The following RBFOX1 variants were observed in gnomAD, a reference collection of about 807,000 sequenced individuals.
RBFOX1 encodes the protein RNA binding fox-1 homolog 1.
In RBFOX1, 8 loss-of-function variants were observed where a neutral mutation model predicts 57.7. That is an observed-to-expected ratio of 0.14 (90% CI 0.08 to 0.25). The LOEUF is 0.25. RBFOX1 is among the 10% of genes least tolerant of loss of function. RBFOX1 has a pLI of 1.00. For missense variants in RBFOX1, 611 were observed against 548.5 expected (o/e 1.11, Z -1.14); for synonymous variants, 326 against 222.4 (o/e 1.47, Z -4.15).
At chr16:5,879,312 A>G (rs955008899) in intron 4 of RBFOX1, among the ~76,000 whole-genome samples, 1 of 152,176 alleles carries the variant, frequency 6.6e-6, no homozygotes, top group African/African-American at 2.4e-5. Context: ...AACTCCTCAG[A>G]TCGTATTTGG....
intron 4 of RBFOX1, among the ~76,000 whole-genome samples, chr16:7,284,863 T>G (rs968756128): frequency 1.3e-5 from 2 of 151,934 alleles, no homozygotes. Context: ...ACTGCCTTCT[T>G]GTACTGGATG....
intron 3 of RBFOX1, among the ~76,000 whole-genome samples, chr16:5,712,918 C>T (rs1011468197): frequency 1.1e-4 from 16 of 152,172 alleles, no homozygotes; most frequent in Non-Finnish European, 2.2e-4. Flanking sequence ...TCATGTTTTT[C>T]CATGGAGATT....
chr16:7,712,768 C>T lies in RBFOX1; in HGVS notation c.*2023C>T, dbSNP rs1382062594. Reference sequence around the variant, plus strand: ...ATTATTAAAACACTATGACATCCTCCAGAGGGAAGAAAGAGTAGGAGCAGG... The same window carrying T: ...ATTATTAAAACACTATGACATCCTCTAGAGGGAAGAAAGAGTAGGAGCAGG... On this transcript the variant is annotated 3_prime_UTR_variant, in exon 16 of 16. Coordinates refer to ENST00000550418, the MANE Select transcript of RBFOX1 (RefSeq NM_018723.4). 2 of 152,164 alleles carry T rather than the reference C, an allele frequency of 1.3e-5. No homozygotes were observed. Among genetic ancestry groups the T allele is most frequent in the Admixed American group, 6.5e-5 (1 of 15,272 alleles). The allele number at this position is 152,164 out of a possible 1,614,324, so 9.4% of individuals were successfully genotyped here. A position where few individuals can be genotyped will look rare whatever the true frequency, so the allele number is the denominator to read the frequency against.
At chr16:7,189,525 C>T (rs1293019530) in intron 4 of RBFOX1, among the ~76,000 whole-genome samples, 3 of 149,540 alleles carry the variant, frequency 2.0e-5, no homozygotes, top group South Asian at 2.1e-4. Flanking sequence ...GAATACATTG[C>T]CCCCACTCCA....
intron 2 of RBFOX1, among the ~76,000 whole-genome samples, chr16:6,344,407 C>CTTTTTTTTTTTTTTTTTTTTTTTT (rs60637926): frequency 7.3e-5 from 8 of 109,846 alleles, no homozygotes; most frequent in African/African-American, 2.2e-4. Context: ...TCTTTTTTTT[C>CTTTTTTTTTTTTTTTTTTTTTTTT]TTTTTTTTTT....
chr16:6,551,108 G>C (rs747819782), intron 2 of RBFOX1, among the ~76,000 whole-genome samples: 14 of 152,224 alleles, frequency 9.2e-5, no homozygotes, highest in South Asian at 2.1e-4. Context: ...CTGCGTTTTG[G>C]GTTACAGAGC....
chr16:6,691,507 C>G (rs775071959), intron 3 of RBFOX1, among the ~76,000 whole-genome samples: 3 of 151,960 alleles, frequency 2.0e-5, no homozygotes, highest in Admixed American at 6.6e-5. Context: ...GAAGTAAAAT[C>G]ATTCTGAGTA....
intron 3 of RBFOX1, among the ~76,000 whole-genome samples, chr16:5,850,598 G>T (rs930731851): frequency 1.3e-5 from 2 of 152,162 alleles, no homozygotes; most frequent in Admixed American, 6.5e-5. Flanking sequence ...TTTACTCCCA[G>T]AACTATTTTC....
chr16:7,590,357 G>C (rs779094177), intron 7 of RBFOX1, among the ~76,000 whole-genome samples: 6 of 151,722 alleles, frequency 4.0e-5, no homozygotes, highest in Non-Finnish European at 7.4e-5. Flanking sequence ...TATAACTCAA[G>C]TATTTAATGT....
chr16:6,613,400 G>A (rs887585413), intron 2 of RBFOX1, among the ~76,000 whole-genome samples: 1 of 152,062 alleles, frequency 6.6e-6, no homozygotes, highest in Admixed American at 6.6e-5. Flanking sequence ...GACAAAGCGG[G>A]GGAATGATTT....
chr16:5,951,882 G>A (rs146215052), intron 4 of RBFOX1, among the ~76,000 whole-genome samples: 1 of 151,926 alleles, frequency 6.6e-6, no homozygotes, highest in African/African-American at 2.4e-5. Context: ...GTGTTTGTGT[G>A]TGTATATACA....
intron 1 of RBFOX1, among the ~76,000 whole-genome samples, chr16:6,243,744 C>T (rs543517495): frequency 6.6e-6 from 1 of 152,258 alleles, no homozygotes; most frequent in East Asian, 1.9e-4. Flanking sequence ...TCAGAAATTG[C>T]TGGGGGCCCT....
At chr16:5,625,810 A>G (rs1253626107) in intron 3 of RBFOX1, among the ~76,000 whole-genome samples, 1 of 152,174 alleles carries the variant, frequency 6.6e-6, no homozygotes, top group African/African-American at 2.4e-5. Context: ...TGTCTGCCTC[A>G]GCCTCCCAAA....
intron 3 of RBFOX1, among the ~76,000 whole-genome samples, chr16:6,721,159 T>G (rs184965006): frequency 3.0e-4 from 46 of 152,290 alleles, no homozygotes; most frequent in Non-Finnish European, 1.8e-4. Flanking sequence ...ACATATCATG[T>G]TGGCCGGGCA....
intron 2 of RBFOX1, among the ~76,000 whole-genome samples, chr16:6,378,267 T>G (rs903970919): frequency 6.6e-6 from 1 of 152,194 alleles, no homozygotes; most frequent in Non-Finnish European, 1.5e-5. Flanking sequence ...GTGCTTCCCC[T>G]CCGTGCTCAC....
intron 1 of RBFOX1, among the ~76,000 whole-genome samples, chr16:5,278,236 T>C (rs1410672787): frequency 1.3e-5 from 2 of 152,232 alleles, no homozygotes; most frequent in Non-Finnish European, 2.9e-5. Context: ...TGGTTTTGAT[T>C]TGCATTTCCG....
chr16:6,418,750 A>ACTC (rs1444761842), intron 2 of RBFOX1, among the ~76,000 whole-genome samples: 2 of 150,834 alleles, frequency 1.3e-5, no homozygotes, highest in Non-Finnish European at 3.0e-5. Flanking sequence ...CTGGTCTTGA[A>ACTC]CTCCTGGTCC....
chr16:7,189,854 A>G (rs1294722199), intron 4 of RBFOX1, among the ~76,000 whole-genome samples: 1 of 152,190 alleles, frequency 6.6e-6, no homozygotes, highest in African/African-American at 2.4e-5. Context: ...GTACATCTTG[A>G]TCGCCTTTAT....
intron 3 of RBFOX1, among the ~76,000 whole-genome samples, chr16:6,995,288 CCTT>C (rs2092081613): frequency 1.3e-5 from 1 of 75,410 alleles, no homozygotes; most frequent in Non-Finnish European, 2.6e-5. Flanking sequence ...CTGAAAGTAG[CCTT>C]GTGTGTGTGT....
Sources: gnomAD v4.1 joint callset for allele counts (sites outside exome capture counted in the v4.1 genomes callset) on GRCh38, gnomAD v4.1.1 for gene constraint, MANE v1.5 for transcripts, NCBI Gene and HGNC (gene_info 2026-07-23, HGNC 2026-07-21) for gene names.